FOCAD: variants seen among roughly 807,000 people sequenced by gnomAD.
FOCAD encodes focadhesin, also known as KIAA1797.
Under a neutral mutation model 225.6 loss-of-function variants are expected in FOCAD, and 198 were observed. The ratio of observed to expected loss-of-function variants is 0.88; its 90% CI spans 0.78 to 0.99. The LOEUF (loss-of-function observed/expected upper bound fraction) is 0.99. Among genes scored for constraint, FOCAD ranks in the 50% least tolerant of loss-of-function variants. The probability of loss-of-function intolerance (pLI) is 0.00; values close to 1 mark genes in which losing one functional copy is unlikely to be tolerated. For synonymous variants in FOCAD, 897 were observed against 755.0 expected, an observed-to-expected ratio of 1.19 and a Z score of -3.08; for missense variants, 2,713 against 2,123.6, an observed-to-expected ratio of 1.28 and a Z score of -5.46.
At chr9:20,696,973 A>T (rs1369588809) in intron 1 of FOCAD, among the ~76,000 whole-genome samples, 1 of 152,068 alleles carries the variant, frequency 6.6e-6, no homozygotes, top group Non-Finnish European at 1.5e-5. Context: ...CCATGTGATG[A>T]TGTGGCACAA....
chr9:20,994,686 G>C (rs1007781806), intron 43 of FOCAD, among the ~76,000 whole-genome samples: 2 of 152,140 alleles, frequency 1.3e-5, no homozygotes, highest in African/African-American at 4.8e-5. Context: ...TCCATCCCTA[G>C]AGACTTGCTG....
At chr9:20,906,196 A>G (rs1345243355) in intron 21 of FOCAD, among the ~76,000 whole-genome samples, 2 of 151,998 alleles carry the variant, frequency 1.3e-5, no homozygotes, top group East Asian at 1.9e-4. Context: ...CAGAGAGGCT[A>G]TTATCTTCTT....
At chr9:20,884,557 A>G (rs1381788234) in intron 20 of FOCAD, among the ~76,000 whole-genome samples, 2 of 152,060 alleles carry the variant, frequency 1.3e-5, no homozygotes, top group Non-Finnish European at 2.9e-5. Flanking sequence ...TTGGCCTCCC[A>G]AAGTGCTGGG....
At chr9:20,830,127 G>A (rs936217433) in intron 15 of FOCAD, among the ~76,000 whole-genome samples, 3 of 151,878 alleles carry the variant, frequency 2.0e-5, no homozygotes, top group African/African-American at 7.3e-5. Context: ...ATGTGTTTTT[G>A]GTGGTTGTGT....
At chr9:20,758,825 T>C (rs549323002) in intron 6 of FOCAD, among the ~76,000 whole-genome samples, 41 of 152,284 alleles carry the variant, frequency 2.7e-4, no homozygotes, top group African/African-American at 9.6e-4. Context: ...GGAAGTCAAA[T>C]TGTCCCTGTT....
chr9:20,734,256 C>T (rs1339189794), intron 4 of FOCAD, among the ~76,000 whole-genome samples: 4 of 152,008 alleles, frequency 2.6e-5, no homozygotes, highest in Admixed American at 2.0e-4. Context: ...CTTAAAGGTT[C>T]CTTCAAATCT....
At chr9:20,833,201 T>G (rs1825681552) in intron 15 of FOCAD, among the ~76,000 whole-genome samples, 1 of 152,058 alleles carries the variant, frequency 6.6e-6, no homozygotes, top group South Asian at 2.1e-4. Context: ...CTAAAGGGTG[T>G]GAGGTGATAT....
chr9:20,834,657 A>G (rs1181963641), intron 15 of FOCAD, among the ~76,000 whole-genome samples: 1 of 152,082 alleles, frequency 6.6e-6, no homozygotes, highest in East Asian at 1.9e-4. Context: ...CTTCAGGAAC[A>G]GGCAAAACTA....
At chr9:20,762,259 C>T (rs986469601) in intron 6 of FOCAD, among the ~76,000 whole-genome samples, 2 of 152,322 alleles carry the variant, frequency 1.3e-5, no homozygotes, top group African/African-American at 2.4e-5. Flanking sequence ...TTCATACATA[C>T]ATTATCTGAT....
intron 20 of FOCAD, among the ~76,000 whole-genome samples, chr9:20,884,635 G>GT (rs1247683536): frequency 1.3e-5 from 2 of 151,786 alleles, no homozygotes; most frequent in Non-Finnish European, 2.9e-5. Flanking sequence ...AATCTCTTGT[G>GT]TTTTTTTATT....
intron 4 of FOCAD, among the ~76,000 whole-genome samples, chr9:20,720,923 G>A (rs929192382): frequency 1.3e-5 from 2 of 152,186 alleles, no homozygotes; most frequent in African/African-American, 4.8e-5. Flanking sequence ...GCCAGGCCTT[G>A]GCATTAGTGT....
At chr9:20,789,019 A>G (rs1032604420) in intron 10 of FOCAD, among the ~76,000 whole-genome samples, 1 of 152,054 alleles carries the variant, frequency 6.6e-6, no homozygotes, top group Admixed American at 6.6e-5. Flanking sequence ...TCATTGGTGA[A>G]TACTTTTTTA....
At chr9:20,894,805 G>A (rs1831934516) in intron 21 of FOCAD, among the ~76,000 whole-genome samples, 1 of 151,934 alleles carries the variant, frequency 6.6e-6, no homozygotes, top group African/African-American at 2.4e-5. Flanking sequence ...AGTGCCTTTT[G>A]TAGATCAGAA....
rs759505709 is a variant in FOCAD at position 20,948,399 on chromosome 9, G to C, written c.3798+6G>C. 1.9e-6 allele frequency: 3 copies of C among 1,608,716 alleles called. No individual in the cohort carries two copies. The highest frequency in any genetic ancestry group is 2.5e-6 in the Non-Finnish European group (3 of 1,177,412). On this transcript the variant is annotated splice_donor_region_variant and intron_variant, in intron 31 of 43. Coordinates refer to ENST00000338382, the MANE Select transcript of FOCAD (RefSeq NM_001375567.1). Reference sequence around the variant, plus strand: ...TCAGAATTGTTCTAACAGAGGTAGAGGTCACCTGTTGTATGCTATTTCATA... The same window carrying C: ...TCAGAATTGTTCTAACAGAGGTAGACGTCACCTGTTGTATGCTATTTCATA...
chr9:20,665,426 A>T (rs17831942), intron 2 of FOCAD, among the ~76,000 whole-genome samples: 2 of 152,114 alleles, frequency 1.3e-5, no homozygotes, highest in Non-Finnish European at 2.9e-5. Context: ...CAGCTAATTC[A>T]TCTCTTTATC....
intron 7 of FOCAD, among the ~76,000 whole-genome samples, chr9:20,766,861 C>T (rs1830092257): frequency 6.6e-6 from 1 of 151,838 alleles, no homozygotes; most frequent in Non-Finnish European, 1.5e-5. Flanking sequence ...TTTTAGGGTA[C>T]ATGTGCACAT....
chr9:20,744,466 A>C (rs1827883304), intron 5 of FOCAD, among the ~76,000 whole-genome samples: 1 of 152,086 alleles, frequency 6.6e-6, no homozygotes, highest in African/African-American at 2.4e-5. Context: ...TAAGGCTGCA[A>C]CTCTCAGTTA....
intron 1 of FOCAD, among the ~76,000 whole-genome samples, chr9:20,713,488 C>A (rs893674256): frequency 3.3e-5 from 5 of 152,166 alleles, no homozygotes; most frequent in African/African-American, 4.8e-5. Flanking sequence ...TGCACTTCTC[C>A]CATTTCTCAT....
At chr9:20,968,735 G>A (rs1205176951) in intron 35 of FOCAD, among the ~76,000 whole-genome samples, 1 of 151,698 alleles carries the variant, frequency 6.6e-6, no homozygotes. Context: ...CACCTCGCCC[G>A]GCCTGTTTTC....
Sources: gnomAD v4.1 joint callset for allele counts (sites outside exome capture counted in the v4.1 genomes callset) on GRCh38, gnomAD v4.1.1 for gene constraint, MANE v1.5 for transcripts, NCBI Gene and HGNC (gene_info 2026-07-23, HGNC 2026-07-21) for gene names.